MAML3: variants seen among roughly 807,000 people sequenced by gnomAD.
MAML3 encodes the protein mastermind like transcriptional coactivator 3.
In MAML3, 27 loss-of-function variants were observed where a neutral mutation model predicts 101.9. That is an observed-to-expected ratio of 0.27 (90% CI 0.20 to 0.37). The LOEUF is 0.37. Ranked by LOEUF, MAML3 falls within the 10% of genes least tolerant of loss-of-function variation. The probability of loss-of-function intolerance (pLI) is 1.00; values close to 1 mark genes in which losing one functional copy is unlikely to be tolerated. For missense variants in MAML3, 1,316 were observed against 1,444.9 expected (o/e 0.91, Z 1.45); for synonymous variants, 501 against 555.9 (o/e 0.90, Z 1.39).
intron 1 of MAML3, among the ~76,000 whole-genome samples, chr4:140,119,779 C>T (rs1728575853): frequency 6.6e-6 from 1 of 152,052 alleles, no homozygotes; most frequent in Admixed American, 6.6e-5. Flanking sequence ...AAACAAGATC[C>T]ACAATATTTA....
rs1733031921 is a variant in MAML3, at chr4:139,916,521, C to T, written c.469-25554G>A. Among the ~76,000 whole-genome samples the T allele has an allele frequency of 3.9e-5, 6 of 152,248 alleles. No homozygotes were observed. In the South Asian group the frequency reaches 1.0e-3, roughly 26 times the overall value. On this transcript the variant is annotated intron_variant, in intron 1 of 4. Coordinates refer to ENST00000509479, the MANE Select transcript of MAML3 (RefSeq NM_018717.5). The stretch of plus-strand genomic sequence containing the variant: ...CTTTCCAGGGATATCACTACTGAAG[C>T]GCCGATATAAGGACACATTTCCCAG...
chr4:140,134,556 G>A (rs912177388), intron 1 of MAML3: 4 of 353,318 alleles, frequency 1.1e-5, no homozygotes, highest in African/African-American at 8.6e-5. Flanking sequence ...AGTTCCCCTT[G>A]CAGAGCCCAG....
chr4:139,809,098 C>A (rs1730748217), intron 2 of MAML3, among the ~76,000 whole-genome samples: 1 of 152,178 alleles, frequency 6.6e-6, no homozygotes, highest in Non-Finnish European at 1.5e-5. Flanking sequence ...GTTCTTATTT[C>A]ATCTCCAGAA....
intron 1 of MAML3, among the ~76,000 whole-genome samples, chr4:139,903,486 G>A (rs1732765391): frequency 6.6e-6 from 1 of 152,136 alleles, no homozygotes; most frequent in African/African-American, 2.4e-5. Context: ...TCCAGTCTAG[G>A]GATACACAAA....
At chr4:140,083,268 T>C (rs1727892526) in intron 1 of MAML3, among the ~76,000 whole-genome samples, 2 of 152,182 alleles carry the variant, frequency 1.3e-5, no homozygotes, top group Admixed American at 1.3e-4. Flanking sequence ...ACATTTCCCC[T>C]ATCTTTCCCC....
At chr4:139,942,329 A>G (rs1318677368) in intron 1 of MAML3, among the ~76,000 whole-genome samples, 1 of 152,200 alleles carries the variant, frequency 6.6e-6, no homozygotes, top group East Asian at 1.9e-4. Flanking sequence ...GCCCACTTAC[A>G]GCGTCATGTC....
At chr4:140,117,926 T>A (rs1373449493) in intron 1 of MAML3, among the ~76,000 whole-genome samples, 4 of 152,272 alleles carry the variant, frequency 2.6e-5, no homozygotes, top group Non-Finnish European at 5.9e-5. Flanking sequence ...GGGTAATTTG[T>A]GTTACACATT....
intron 1 of MAML3, among the ~76,000 whole-genome samples, chr4:140,097,408 G>A (rs982996697): frequency 6.6e-6 from 1 of 152,146 alleles, no homozygotes; most frequent in East Asian, 1.9e-4. Context: ...CCGAGGTTTT[G>A]TTCGAGTTGT....
intron 2 of MAML3, among the ~76,000 whole-genome samples, chr4:139,753,341 A>AATCTACCT (rs1553954176): frequency 6.8e-6 from 1 of 146,578 alleles, no homozygotes; most frequent in Non-Finnish European, 1.5e-5. Context: ...TTTTCTTTTT[A>AATCTACCT]ATCTATCTAT....
chr4:140,045,690 T>C (rs1316696603), intron 1 of MAML3, among the ~76,000 whole-genome samples: 1 of 152,148 alleles, frequency 6.6e-6, no homozygotes, highest in African/African-American at 2.4e-5. Context: ...GAAAAAAATT[T>C]ATAAAACCTG....
chr4:139,940,404 C>G (rs950828497), intron 1 of MAML3, among the ~76,000 whole-genome samples: 1 of 152,184 alleles, frequency 6.6e-6, no homozygotes, highest in Non-Finnish European at 1.5e-5. Flanking sequence ...GAACTCACTT[C>G]CTGGTTATGT....
intron 2 of MAML3, among the ~76,000 whole-genome samples, chr4:139,746,293 A>G (rs1729317951): frequency 6.6e-6 from 1 of 152,262 alleles, no homozygotes; most frequent in South Asian, 2.1e-4. Flanking sequence ...TTCTAACAAA[A>G]TAATTCATCA....
At chr4:140,099,794 T>C (rs1728225570) in intron 1 of MAML3, among the ~76,000 whole-genome samples, 1 of 152,176 alleles carries the variant, frequency 6.6e-6, no homozygotes, top group African/African-American at 2.4e-5. Flanking sequence ...TTCCATTCTA[T>C]CACTCAGTTT....
intron 1 of MAML3, among the ~76,000 whole-genome samples, chr4:140,055,952 A>C (rs1444568750): frequency 1.3e-5 from 2 of 152,230 alleles, no homozygotes; most frequent in Non-Finnish European, 2.9e-5. Context: ...TGATGATAGG[A>C]GAGAAAACAG....
chr4:139,930,251 C>T (rs1469327041), intron 1 of MAML3, among the ~76,000 whole-genome samples: 1 of 152,124 alleles, frequency 6.6e-6, no homozygotes, highest in Non-Finnish European at 1.5e-5. Flanking sequence ...TCAAAAGAAC[C>T]ACATTGAAGA....
intron 1 of MAML3, among the ~76,000 whole-genome samples, chr4:140,002,867 C>T (rs768545734): frequency 6.6e-6 from 1 of 152,202 alleles, no homozygotes; most frequent in Non-Finnish European, 1.5e-5. Flanking sequence ...CCTTGTACTG[C>T]AGAATTCCCA....
intron 1 of MAML3, among the ~76,000 whole-genome samples, chr4:140,149,799 T>C (rs1729124807): frequency 6.6e-6 from 1 of 152,232 alleles, no homozygotes; most frequent in Non-Finnish European, 1.5e-5. Context: ...TTCAAGAAAA[T>C]GAAGAGCAAC....
intron 1 of MAML3, among the ~76,000 whole-genome samples, chr4:139,959,921 A>G (rs1733981314): frequency 6.6e-6 from 1 of 152,226 alleles, no homozygotes; most frequent in Admixed American, 6.5e-5. Context: ...CATTAATTAA[A>G]AAACTATTCA....
At chr4:139,769,683 T>C (rs1353343226) in intron 2 of MAML3, among the ~76,000 whole-genome samples, 2 of 151,946 alleles carry the variant, frequency 1.3e-5, no homozygotes, top group African/African-American at 4.8e-5. Flanking sequence ...TGGTGTGATC[T>C]TGGCTCACCA....
Sources: allele counts gnomAD v4.1 joint callset (sites outside exome capture counted in the v4.1 genomes callset), GRCh38; gene constraint gnomAD v4.1.1; transcripts MANE v1.5; gene names NCBI Gene and HGNC (gene_info 2026-07-23, HGNC 2026-07-21).